Variants in DHX40 observed in about 807,000 individuals in gnomAD.
DHX40 encodes DEAH-box helicase 40, also known as probable ATP-dependent RNA helicase DHX40.
In DHX40, 28 loss-of-function variants were observed where a neutral mutation model predicts 89.6. The observed-to-expected ratio is 0.31, with a 90% CI of 0.23 to 0.43. The LOEUF is 0.43. DHX40 is among the 20% of genes least tolerant of loss of function. The pLI, the probability that DHX40 is intolerant of heterozygous loss-of-function variation, is 1.00. For synonymous variants in DHX40, 226 were observed against 283.6 expected (o/e 0.80, Z 2.04); for missense variants, 457 against 844.0 (o/e 0.54, Z 5.68).
intron 12 of DHX40, among the ~76,000 whole-genome samples, chr17:59,589,271 G>C (rs1005716273): frequency 5.7e-5 from 8 of 140,698 alleles, no homozygotes; most frequent in African/African-American, 1.9e-4. Flanking sequence ...ACCCGGGCTG[G>C]AGTGCAGTGG....
Position 59,572,982 on chromosome 17 carries a change from A to G in DHX40, c.427-134A>G, listed in dbSNP as rs112028635. 701 of 909,478 alleles carry G rather than the reference A, an allele frequency of 7.7e-4. 3 individuals are homozygous for G. The African/African-American group carries it at 0.011, about 14-fold the overall frequency. The allele number at this position is 909,478 out of a possible 1,614,324, so 56.3% of individuals were successfully genotyped here. On this transcript the variant is annotated intron_variant, in intron 3 of 17. Coordinates refer to ENST00000251241, the MANE Select transcript of DHX40 (RefSeq NM_024612.5). The stretch of plus-strand genomic sequence containing the variant: ...TGTAACTTACCATCATTTTGTATAC[A>G]TAAGTTAGACTATTTTTATGTACCC...
At chr17:59,594,401 A>G (rs2049123096) in intron 12 of DHX40, among the ~76,000 whole-genome samples, 2 of 151,254 alleles carry the variant, frequency 1.3e-5, no homozygotes, top group Admixed American at 6.6e-5. Flanking sequence ...CCTGGAAACA[A>G]TCTCTGTGCT....
intron 2 of DHX40, among the ~76,000 whole-genome samples, chr17:59,568,069 T>G (rs2143188789): frequency 6.8e-6 from 1 of 147,946 alleles, no homozygotes; most frequent in African/African-American, 2.5e-5. Flanking sequence ...CCGTCTATAC[T>G]AAAAATACAA....
intron 10 of DHX40, among the ~76,000 whole-genome samples, chr17:59,581,903 G>A (rs529355377): frequency 1.6e-5 from 2 of 122,218 alleles, no homozygotes; most frequent in African/African-American, 3.8e-5. Context: ...ATGAGAATAT[G>A]TAGATACTGG....
chr17:59,567,823 T>C (rs1380938064), intron 2 of DHX40, among the ~76,000 whole-genome samples: 1 of 151,400 alleles, frequency 6.6e-6, no homozygotes, highest in Non-Finnish European at 1.5e-5. Flanking sequence ...TCCCAGCTAC[T>C]CGGGAGGCTG....
intron 14 of DHX40, among the ~76,000 whole-genome samples, chr17:59,600,270 A>G (rs2030409707): frequency 6.6e-6 from 1 of 152,150 alleles, no homozygotes; most frequent in African/African-American, 2.4e-5. Context: ...GTTTAAGCAA[A>G]ATGATATACA....
At position 59,607,587 on chromosome 17, in the gene DHX40, T is replaced by C. The variant is rs1219754020; in HGVS notation, c.*415T>C. ...AATCTCTTTAAGGCCTTCTTGTTGC[T>C]GTTAGAATAGTGCTATATATCAGGT... is the stretch of plus-strand genomic sequence containing the variant. On this transcript the variant is annotated 3_prime_UTR_variant, in exon 18 of 18. Coordinates refer to ENST00000251241, the MANE Select transcript of DHX40 (RefSeq NM_024612.5). The C allele has an allele frequency of 5.4e-6, 2 of 371,250 alleles. No individual in the cohort carries two copies. The highest frequency in any genetic ancestry group is 9.9e-6 in the Non-Finnish European group (2 of 202,482). The allele number at this position is 371,250 out of a possible 1,614,324, so 23.0% of individuals were successfully genotyped here. A position where few individuals can be genotyped will look rare whatever the true frequency, so the allele number is the denominator to read the frequency against.
At chr17:59,571,457 CA>C (rs111317491) in intron 3 of DHX40, among the ~76,000 whole-genome samples, 124,404 of 136,492 alleles carry the variant, frequency 0.91, 57,390 homozygotes, top group East Asian at 0.99. Flanking sequence ...AACTCCACCT[CA>C]AAAAAAAAAA....
chr17:59,587,217 ACAT>A (rs2049011539), intron 11 of DHX40, among the ~76,000 whole-genome samples: 1 of 122,420 alleles, frequency 8.2e-6, no homozygotes. Context: ...GTCTTCAAAG[ACAT>A]CTTCTTTTTT....
At chr17:59,581,420 T>A (rs2048944962) in intron 10 of DHX40, among the ~76,000 whole-genome samples, 1 of 45,208 alleles carries the variant, frequency 2.2e-5, no homozygotes, top group East Asian at 6.0e-4. Flanking sequence ...CTCAGGAATT[T>A]TGGGGGATGG....
At chr17:59,599,644 TAAAAG>T in intron 14 of DHX40, 161 bp downstream of exon 14, 1 of 327,498 alleles carries the variant, frequency 3.1e-6, no homozygotes, top group Non-Finnish European at 5.8e-6. Context: ...CTAGTAGTGA[TAAAAG>T]AATTGTCTTC....
intron 12 of DHX40, among the ~76,000 whole-genome samples, 196 bp downstream of exon 12, chr17:59,588,249 C>CAAAAAAAAAAAACCCCAAAA (rs2049030037): frequency 4.0e-5 from 5 of 124,512 alleles, no homozygotes; most frequent in African/African-American, 1.7e-4. Context: ...AAACCAAAAA[C>CAAAAAAAAAAAACCCCAAAA]AAAATTAATA....
Position 59,565,784 on chromosome 17 carries a change from G to T in DHX40, c.112+1G>T. The T allele has an allele frequency of 6.3e-7, 1 of 1,598,756 alleles. No homozygotes were observed. The highest frequency in any genetic ancestry group is 8.5e-7 in the Non-Finnish European group (1 of 1,176,276). ...TCGGCTGTTTGCATCGCCGATAGAG[G>T]TGCGGTCCGCGGGACGGTACGGAAG... On this transcript the variant is annotated splice_donor_variant, in intron 1 of 17. Transcript: ENST00000251241. LOFTEE classifies it high-confidence loss of function.
chr17:59,571,081 T>A (rs2048800642), intron 3 of DHX40, among the ~76,000 whole-genome samples: 1 of 152,210 alleles, frequency 6.6e-6, no homozygotes, highest in African/African-American at 2.4e-5. Context: ...TGTAGGTTTT[T>A]AAAATGTTTT....
Position 59,573,830 on chromosome 17 carries a change from A to G in DHX40, c.637A>G (p.Met213Val), listed in dbSNP as rs751262139. Residue 213 changes from methionine to valine, a missense_variant, in exon 5 of 18, where the codon ATG becomes GTG. Physicochemically the swap from Met to Val is conservative, Grantham distance 21. Transcript: ENST00000251241. ...AAAAGTGGTGGTAATGTCAGCAACT[A>G]TGGAATTAGCCAAGCTCTCTGCATT... ...HLKVVVMSAT[M>V]ELAKLSAFFG... The G allele has an allele frequency of 6.8e-6, 11 of 1,613,516 alleles. No individual in the cohort carries two copies. The highest frequency in any genetic ancestry group is 4.5e-5 in the East Asian group (2 of 44,824).
chr17:59,576,621 T>A (rs1345258812), intron 7 of DHX40, among the ~76,000 whole-genome samples: 6 of 152,144 alleles, frequency 3.9e-5, no homozygotes, highest in Non-Finnish European at 8.8e-5. Flanking sequence ...ATATCTATTT[T>A]AGATTTTGTC....
chr17:59,605,372 G>C lies in DHX40; in HGVS notation c.1972-74G>C, dbSNP rs1010638132. ...ATAGGAATTAATTGAGAAGGATTTGGACTATTTGGTTGGTTTAATGTGGAA... is the reference window on the plus strand; with the variant it reads ...ATAGGAATTAATTGAGAAGGATTTGCACTATTTGGTTGGTTTAATGTGGAA... On this transcript the variant is annotated intron_variant, in intron 16 of 17. Coordinates refer to ENST00000251241, the MANE Select transcript of DHX40 (RefSeq NM_024612.5). The C allele has an allele frequency of 1.2e-5, 18 of 1,457,988 alleles. No homozygotes were observed. In the African/African-American group the frequency reaches 2.2e-4, roughly 18 times the overall value. The allele number at this position is 1,457,988 out of a possible 1,614,324, so 90.3% of individuals were successfully genotyped here. A position where few individuals can be genotyped will look rare whatever the true frequency, so the allele number is the denominator to read the frequency against.
chr17:59,566,767 CAACT>C lies in DHX40; in HGVS notation c.254_257del (p.Gln85ProfsTer15). ...AAATACAGGAAGTGGTAAAACAACTCAACTCCCAAAATATCTATATGAAGCAGGT... is the reference window on the plus strand; with the variant it reads ...AAATACAGGAAGTGGTAAAACAACTCCCCAAAATATCTATATGAAGCAGGT... On this transcript the variant is annotated frameshift_variant, in exon 2 of 18. Coordinates refer to ENST00000251241, the MANE Select transcript of DHX40 (RefSeq NM_024612.5). LOFTEE classifies it high-confidence loss of function. 1 of 1,586,578 alleles carries C rather than the reference CAACT, an allele frequency of 6.3e-7. No individual in the cohort carries two copies. Among genetic ancestry groups the C allele is most frequent in the Non-Finnish European group, 8.5e-7 (1 of 1,172,804 alleles).
chr17:59,592,228 G>A (rs1403616001), intron 12 of DHX40, among the ~76,000 whole-genome samples: 1 of 151,878 alleles, frequency 6.6e-6, no homozygotes, highest in Non-Finnish European at 1.5e-5. Flanking sequence ...AATCCATATT[G>A]AAATTGTCCA....
Sources: gnomAD v4.1 joint callset for allele counts (sites outside exome capture counted in the v4.1 genomes callset) on GRCh38, gnomAD v4.1.1 for gene constraint, MANE v1.5 for transcripts, NCBI Gene and HGNC (gene_info 2026-07-23, HGNC 2026-07-21) for gene names.